Variants in EML5 observed in about 807,000 individuals in gnomAD.
EML5 encodes echinoderm microtubule-associated protein-like 5.
A neutral mutation model predicts 250.0 loss-of-function variants in EML5; 120 were observed. That is an observed-to-expected ratio of 0.48 (90% confidence interval 0.41 to 0.56). The LOEUF is 0.56. Among genes scored for constraint, EML5 ranks in the 20% least tolerant of loss-of-function variants. The pLI is 0.00. For missense variants in EML5, 2,006 were observed against 2,437.6 expected, an observed-to-expected ratio of 0.82 and a Z score of 3.73; for synonymous variants, 771 against 806.5, an observed-to-expected ratio of 0.96 and a Z score of 0.75.
chr14:88,705,933 A>T (rs2093309763), intron 11 of EML5: 23 of 540,198 alleles, frequency 4.3e-5, no homozygotes, highest in South Asian at 3.7e-4. Context: ...TTGACATTAG[A>T]TAATTTTTGT....
intron 2 of EML5, among the ~76,000 whole-genome samples, chr14:88,750,612 T>C (rs2094078990): frequency 1.3e-5 from 2 of 152,152 alleles, no homozygotes; most frequent in Non-Finnish European, 1.5e-5. Context: ...ACTGTCCAAA[T>C]GAGAAATGCC....
chr14:88,761,567 G>C (rs571776711), intron 1 of EML5, among the ~76,000 whole-genome samples: 1 of 152,188 alleles, frequency 6.6e-6, no homozygotes, highest in East Asian at 1.9e-4. Context: ...TGGTGTGTAT[G>C]TGCCACATTT....
intron 8 of EML5, among the ~76,000 whole-genome samples, chr14:88,717,668 T>A (rs1340810896): frequency 6.6e-6 from 1 of 152,020 alleles, no homozygotes; most frequent in Admixed American, 6.5e-5. Context: ...GGCAGGAAAA[T>A]CACTTGAACT....
At chr14:88,710,677 C>T (rs2093390074) in intron 10 of EML5, among the ~76,000 whole-genome samples, 1 of 152,136 alleles carries the variant, frequency 6.6e-6, no homozygotes, top group African/African-American at 2.4e-5. Context: ...TAGCTACAAT[C>T]TCAAGCTGAC....
chr14:88,740,227 C>A (rs1278541755), intron 5 of EML5, among the ~76,000 whole-genome samples, 160 bp downstream of exon 5: 1 of 152,056 alleles, frequency 6.6e-6, no homozygotes, highest in East Asian at 1.9e-4. Flanking sequence ...TAATTGATTT[C>A]TTCATTGAAA....
rs534796129 is a variant in EML5, at chr14:88,618,980, A to G, written c.5376-168T>C. ...TGTATACTGAGATTGTCTGGGTTAC[A>G]TGAAATAAGGAAGCTTTATATTTTA... On this transcript the variant is annotated intron_variant, in intron 39 of 43. Transcript: ENST00000554922. The G allele has an allele frequency of 1.1e-4, 59 of 517,008 alleles. No homozygotes were observed. In the East Asian group the frequency reaches 1.8e-3, roughly 15 times the overall value. 32.0% of individuals were successfully genotyped at this position (517,008 alleles called of 1,614,324 possible).
At position 88,620,651 on chromosome 14, in the gene EML5, C is replaced by T; in HGVS notation, c.5375+103G>A. 1.1e-6 allele frequency: 1 copy of T among 894,510 alleles called. No individual in the cohort carries two copies. Among genetic ancestry groups the T allele is most frequent in the Non-Finnish European group, 1.6e-6 (1 of 635,250 alleles). The allele number at this position is 894,510 out of a possible 1,614,324, so 55.4% of individuals were successfully genotyped here. On this transcript the variant is annotated intron_variant, in intron 39 of 43. Transcript: ENST00000554922. This position sits in a 1 kb window ranked among gnomAD's most constrained non-coding sequence, Gnocchi z 4.3. ...ACAATTTATAATACGGGAAATGCTA[C>T]AGGCCCTGGGGACCTCTTTTTGAAG...
intron 1 of EML5, among the ~76,000 whole-genome samples, chr14:88,760,797 C>A (rs1429777709): frequency 6.6e-6 from 1 of 152,066 alleles, no homozygotes; most frequent in Non-Finnish European, 1.5e-5. Context: ...ACATAGTACG[C>A]CCGCCCTCCA....
Position 88,658,534 on chromosome 14 carries a change from G to A in EML5, c.3676-146C>T, listed in dbSNP as rs528457979. 1.1e-5 allele frequency: 7 copies of A among 661,224 alleles called. No homozygotes were observed. In the South Asian group the frequency reaches 1.6e-4, roughly 15 times the overall value. The allele number at this position is 661,224 out of a possible 1,614,324, so 41.0% of individuals were successfully genotyped here. On this transcript the variant is annotated intron_variant, in intron 25 of 43. Transcript: ENST00000554922. ...AAAAATGAGAAAATACTGAAACTCAGCAGAATAAAAGATACCAATTCCTAA... is the reference window on the plus strand; with the variant it reads ...AAAAATGAGAAAATACTGAAACTCAACAGAATAAAAGATACCAATTCCTAA...
chr14:88,789,334 T>G (rs1463657815), intron 1 of EML5, among the ~76,000 whole-genome samples: 1 of 152,122 alleles, frequency 6.6e-6, no homozygotes, highest in East Asian at 1.9e-4. Flanking sequence ...ATTTCTGACA[T>G]TGAAACTAAT....
rs1289510576 is a variant in EML5 at position 88,792,867 on chromosome 14, G to A, written c.-364C>T. ...GCCCGCGCACGCAGCTCCCAGCCCCGGTCACCTGCGGCGCTCGCGCCCCGC... is the reference window on the plus strand; with the variant it reads ...GCCCGCGCACGCAGCTCCCAGCCCCAGTCACCTGCGGCGCTCGCGCCCCGC... On this transcript the variant is annotated 5_prime_UTR_variant, in exon 1 of 44. Transcript: ENST00000554922. The surrounding 1 kb of genome is among the most constrained non-coding windows in gnomAD (Gnocchi z 6.9). 7.2e-6 allele frequency: 3 copies of A among 417,238 alleles called. No homozygotes were observed. The highest frequency in any genetic ancestry group is 2.2e-5 in the African/African-American group (1 of 46,454). 25.8% of individuals were successfully genotyped at this position (417,238 alleles called of 1,614,324 possible). A position where few individuals can be genotyped will look rare whatever the true frequency, so the allele number is the denominator to read the frequency against.
At chr14:88,746,307 G>C (rs770456311) in intron 2 of EML5, 24 bp from the exon 3 acceptor site, 4 of 1,590,460 alleles carry the variant, frequency 2.5e-6, no homozygotes, top group Admixed American at 1.8e-5. Flanking sequence ...AAGAAGTCCA[G>C]GAAGGAATAA....
chr14:88,656,751 GACTA>G (rs1004912166), intron 27 of EML5, among the ~76,000 whole-genome samples: 1 of 58,202 alleles, frequency 1.7e-5, no homozygotes, highest in Non-Finnish European at 2.7e-5. Flanking sequence ...AATGAGGACT[GACTA>G]TGCTTAAAGA....
At position 88,658,320 on chromosome 14, in the gene EML5, A is replaced by C. The variant is rs149978940; in HGVS notation, c.3744T>G (p.Tyr1248Ter). 3 of 1,613,898 alleles carry C rather than the reference A, an allele frequency of 1.9e-6. No homozygotes were observed. Among genetic ancestry groups the C allele is most frequent in the Non-Finnish European group, 2.5e-6 (3 of 1,179,822 alleles). Residue 1248 changes from tyrosine to a stop codon, truncating the protein, a stop_gained, in exon 26 of 44, where the codon TAT becomes TAG. Transcript: ENST00000554922. LOFTEE classifies it high-confidence loss of function. Reference protein sequence around the residue: ...STHVTNVRWTYDDSMLVTLGG... With the variant: ...STHVTNVRWT ...CTAGGGTAACCAACATGCTGTCATCATAAGTCCAGCGAACATTTGTGACAT... is the reference window on the plus strand; with the variant it reads ...CTAGGGTAACCAACATGCTGTCATCCTAAGTCCAGCGAACATTTGTGACAT...
intron 36 of EML5, 37 bp from the exon 37 acceptor site, chr14:88,622,755 T>C (rs1295220006): frequency 2.1e-6 from 3 of 1,437,110 alleles, no homozygotes; most frequent in Non-Finnish European, 2.8e-6. Flanking sequence ...GTGTTCATTA[T>C]TGGCTACTAT....
chr14:88,771,618 T>C (rs2094394081), intron 1 of EML5, among the ~76,000 whole-genome samples: 2 of 152,228 alleles, frequency 1.3e-5, no homozygotes, highest in African/African-American at 4.8e-5. Context: ...TTTCACTCCC[T>C]TTATTGTGTT....
intron 20 of EML5, among the ~76,000 whole-genome samples, chr14:88,682,408 T>TA (rs34864308): frequency 0.069 from 9,388 of 136,062 alleles, 726 homozygotes; most frequent in African/African-American, 0.18. Flanking sequence ...AAAAATCAAT[T>TA]AAAAAAAAAA....
At chr14:88,741,104 A>G (rs1445270201) in intron 4 of EML5, among the ~76,000 whole-genome samples, 1 of 152,176 alleles carries the variant, frequency 6.6e-6, no homozygotes, top group Non-Finnish European at 1.5e-5. Flanking sequence ...CAGAGGTTGC[A>G]GTGAGCCAAG....
intron 21 of EML5, among the ~76,000 whole-genome samples, chr14:88,670,646 C>T (rs1160469420): frequency 9.2e-5 from 14 of 152,028 alleles, no homozygotes; most frequent in Non-Finnish European, 1.9e-4. Context: ...AGTTCTAACC[C>T]AATGCAAAGA....
Sources: gnomAD v4.1 joint callset for allele counts (sites outside exome capture counted in the v4.1 genomes callset) on GRCh38, gnomAD v4.1.1 for gene constraint, Gnocchi (gnomAD v3.1) non-coding constraint, MANE v1.5 for transcripts, NCBI Gene and HGNC (gene_info 2026-07-23, HGNC 2026-07-21) for gene names.